The following PMFBP1 variants were observed in gnomAD, a reference collection of about 807,000 sequenced individuals.
PMFBP1 encodes the protein polyamine-modulated factor 1-binding protein 1.
Under a neutral mutation model 137.8 loss-of-function variants are expected in PMFBP1, and 131 were observed. The observed-to-expected ratio is 0.95, with a 90% CI of 0.82 to 1.10. The LOEUF is 1.10. Among genes scored for constraint, PMFBP1 ranks in the 50% least tolerant of loss-of-function variants. The pLI, the probability that PMFBP1 is intolerant of heterozygous loss-of-function variation, is 0.00. For synonymous variants in PMFBP1, 490 were observed against 450.4 expected (o/e 1.09, Z -1.11); for missense variants, 1,199 against 1,175.4 (o/e 1.02, Z -0.29).
At chr16:72,248,464 T>C in the PMFBP1 span, among the ~76,000 whole-genome samples, 1 of 152,154 alleles carries the variant, frequency 6.6e-6, no homozygotes, top group East Asian at 1.9e-4. Context: ...AATCAGTGAA[T>C]ATCTGCCAAA....
the PMFBP1 span, among the ~76,000 whole-genome samples, chr16:72,199,254 C>T: frequency 6.6e-6 from 1 of 150,442 alleles, no homozygotes; most frequent in South Asian, 2.1e-4. Context: ...GTGACCTCCC[C>T]GCTTTATGAA....
upstream of PMFBP1, among the ~76,000 whole-genome samples, chr16:72,177,092 A>G (rs150276673): frequency 6.6e-6 from 1 of 152,278 alleles, no homozygotes; most frequent in East Asian, 1.9e-4. Flanking sequence ...CCATTTTGGA[A>G]AATTTCCCAT....
At chr16:72,245,052 T>C in the PMFBP1 span, among the ~76,000 whole-genome samples, 1 of 152,080 alleles carries the variant, frequency 6.6e-6, no homozygotes, top group African/African-American at 2.4e-5. Context: ...CCCCGTGTAA[T>C]CCTGGTGGGG....
intron 9 of PMFBP1, among the ~76,000 whole-genome samples, chr16:72,134,264 G>C (rs2042591270): frequency 6.6e-6 from 1 of 152,176 alleles, no homozygotes; most frequent in East Asian, 1.9e-4. Context: ...CAAGATCTGA[G>C]GTTGCTACAG....
At chr16:72,201,799 C>T in the PMFBP1 span, among the ~76,000 whole-genome samples, 3 of 152,226 alleles carry the variant, frequency 2.0e-5, no homozygotes, top group African/African-American at 7.2e-5. Context: ...AAAATACTTT[C>T]AAAGCTCATT....
chr16:72,205,476 T>G, the PMFBP1 span, among the ~76,000 whole-genome samples: 1 of 152,240 alleles, frequency 6.6e-6, no homozygotes, highest in Non-Finnish European at 1.5e-5. Context: ...ACAGCAAGAA[T>G]GCAAACAACC....
chr16:72,179,441 G>A (rs985523105), upstream of PMFBP1, among the ~76,000 whole-genome samples: 9 of 152,100 alleles, frequency 5.9e-5, no homozygotes, highest in African/African-American at 9.7e-5. Flanking sequence ...AACCTCATCC[G>A]CAATGCAGAT....
rs758169267 is a variant in PMFBP1 at position 72,171,191 on chromosome 16, C to A, written c.12+6G>T. 6.2e-6 allele frequency: 10 copies of A among 1,613,552 alleles called. No homozygotes were observed. On this transcript the variant is annotated splice_donor_region_variant and intron_variant, in intron 2 of 20. Coordinates refer to ENST00000237353, the MANE Select transcript of PMFBP1 (RefSeq NM_031293.3). ...TCCATGCATGTAGAGGAGTTAGGAG[C>A]CTTACCTCATCTTTCATTTCCTTGG...
chr16:72,153,778 G>T (rs1421711999), intron 4 of PMFBP1, among the ~76,000 whole-genome samples: 1 of 146,788 alleles, frequency 6.8e-6, no homozygotes, highest in Non-Finnish European at 1.5e-5. Context: ...GTGTGCACGT[G>T]CCAGGAATTT....
intron 3 of PMFBP1, among the ~76,000 whole-genome samples, chr16:72,162,466 A>C (rs549613349): frequency 6.6e-6 from 1 of 152,352 alleles, no homozygotes; most frequent in Middle Eastern, 3.4e-3. Context: ...GTTGTAAACT[A>C]TGACCTCCTG....
the PMFBP1 span, among the ~76,000 whole-genome samples, chr16:72,189,350 T>C: frequency 1.3e-5 from 2 of 152,126 alleles, no homozygotes; most frequent in South Asian, 2.1e-4. Context: ...CCCTGGAAGA[T>C]GAATGGGACA....
upstream of PMFBP1, among the ~76,000 whole-genome samples, chr16:72,174,239 A>G (rs1169185687): frequency 6.6e-6 from 1 of 152,244 alleles, no homozygotes; most frequent in African/African-American, 2.4e-5. Flanking sequence ...GTGTGCAAAA[A>G]GAGAAAGTAA....
chr16:72,120,017 C>G lies in PMFBP1; in HGVS notation c.2841G>C (p.Lys947Asn). The G allele has an allele frequency of 1.2e-6, 2 of 1,614,150 alleles. No homozygotes were observed. The highest frequency in any genetic ancestry group is 2.7e-5 in the African/African-American group (2 of 75,040). Reference sequence around the variant, plus strand: ...ATAGCCTTGTGTTCTCGGCTTTCATCTTCTTCTCTTCTATCTCCTTCTTCA... The same window carrying G: ...ATAGCCTTGTGTTCTCGGCTTTCATGTTCTTCTCTTCTATCTCCTTCTTCA... Reference protein sequence around the residue: ...KKLKKEIEEKKMKAENTRLCT... With the variant: ...KKLKKEIEEKNMKAENTRLCT... Residue 947 changes from lysine to asparagine, a missense_variant, in exon 20 of 21, where the codon AAG becomes AAC. By Grantham distance (94) the Lys-to-Asn change is moderately conservative. Transcript: ENST00000237353.
intron 17 of PMFBP1, among the ~76,000 whole-genome samples, chr16:72,124,103 C>A (rs4788607): frequency 0.091 from 13,772 of 152,090 alleles, 2,043 homozygotes; most frequent in African/African-American, 0.31. Flanking sequence ...TAACCTCCCC[C>A]CCGGCTCAAG....
At chr16:72,142,237 A>C (rs775707174) in intron 5 of PMFBP1, among the ~76,000 whole-genome samples, 102 of 152,208 alleles carry the variant, frequency 6.7e-4, no homozygotes, top group Non-Finnish European at 1.2e-3. Context: ...AATGACTAGA[A>C]AACAAAACAG....
At chr16:72,241,212 A>C in the PMFBP1 span, among the ~76,000 whole-genome samples, 2 of 152,184 alleles carry the variant, frequency 1.3e-5, no homozygotes, top group Non-Finnish European at 2.9e-5. Context: ...TGAAACAGCC[A>C]TGAAAACCCT....
chr16:72,164,842 C>T lies in PMFBP1; in HGVS notation c.87G>A (p.Leu29=), dbSNP rs1267912404. The change falls in exon 3 of 21, where the codon CTG becomes CTA. Residue 29 remains leucine, a synonymous_variant. Transcript: ENST00000237353. ...LLSLQLDIKN[L]HDVCKRQRKT... is the part of the protein sequence containing the mutation. ...TCCTCTGTCTCTTGCAGACATCGTG[C>T]AGATTCTTGATGTCAAGTTGCAGGC... The T allele has an allele frequency of 3.7e-6, 6 of 1,610,206 alleles. No homozygotes were observed. Among genetic ancestry groups the T allele is most frequent in the Non-Finnish European group, 5.1e-6 (6 of 1,176,752 alleles).
chr16:72,211,234 G>A, the PMFBP1 span, among the ~76,000 whole-genome samples: 1 of 152,256 alleles, frequency 6.6e-6, no homozygotes, highest in African/African-American at 2.4e-5. Context: ...TGGTCAAAAG[G>A]CTTGGATAAA....
chr16:72,204,145 T>C, the PMFBP1 span, among the ~76,000 whole-genome samples: 52 of 152,192 alleles, frequency 3.4e-4, no homozygotes, highest in East Asian at 2.3e-3. Context: ...ACTTCTCTTA[T>C]GGTGAAATGA....
Sources: allele counts gnomAD v4.1 joint callset (sites outside exome capture counted in the v4.1 genomes callset), GRCh38; gene constraint gnomAD v4.1.1; transcripts MANE v1.5; gene names NCBI Gene and HGNC (gene_info 2026-07-23, HGNC 2026-07-21).